The following FKBP9 variants were observed in gnomAD, a reference collection of about 807,000 sequenced individuals.
The protein encoded by FKBP9 is peptidyl-prolyl cis-trans isomerase FKBP9.
In FKBP9, 27 loss-of-function variants were observed where a neutral mutation model predicts 55.6. That is an observed-to-expected ratio of 0.49 (90% CI 0.36 to 0.67). FKBP9 has a LOEUF of 0.67. Ranked by LOEUF, FKBP9 falls within the 30% of genes least tolerant of loss-of-function variation. FKBP9 has a pLI of 0.00. For missense variants in FKBP9, 539 were observed against 742.8 expected (o/e 0.73, Z 3.19); for synonymous variants, 267 against 296.5 (o/e 0.90, Z 1.02).
At chr7:32,991,919 T>A (rs952479453) in intron 6 of FKBP9, among the ~76,000 whole-genome samples, 9 of 151,922 alleles carry the variant, frequency 5.9e-5, no homozygotes, top group Non-Finnish European at 1.3e-4. Context: ...TGGGACTTCT[T>A]GCACATGAAC....
At chr7:32,995,394 A>G (rs1784765601) in intron 6 of FKBP9, among the ~76,000 whole-genome samples, 1 of 152,074 alleles carries the variant, frequency 6.6e-6, no homozygotes, top group African/African-American at 2.4e-5. Context: ...ATTACAACTG[A>G]TGCATATGTT....
chr7:32,978,072 C>A (rs1433445533), intron 4 of FKBP9, among the ~76,000 whole-genome samples: 1 of 151,660 alleles, frequency 6.6e-6, no homozygotes, highest in East Asian at 1.9e-4. Flanking sequence ...CAGGCGTATG[C>A]AACCATGCCT....
chr7:32,977,078 A>C (rs1223785262), intron 4 of FKBP9, among the ~76,000 whole-genome samples: 1 of 152,250 alleles, frequency 6.6e-6, no homozygotes, highest in East Asian at 1.9e-4. Flanking sequence ...CTCCATATGG[A>C]CAAAAGCAAA....
intron 1 of FKBP9, among the ~76,000 whole-genome samples, chr7:32,961,835 C>T (rs1784031239): frequency 6.6e-6 from 1 of 150,762 alleles, no homozygotes; most frequent in Non-Finnish European, 1.5e-5. Context: ...GCGTGATGAT[C>T]TGTCACTGTC....
At chr7:32,994,978 T>C (rs1784755724) in intron 6 of FKBP9, 2 of 157,638 alleles carry the variant, frequency 1.3e-5, no homozygotes, top group Non-Finnish European at 2.8e-5. Flanking sequence ...TCTTTCTTTC[T>C]TTCTTTTTTG....
chr7:32,969,365 A>G (rs1784211488), intron 1 of FKBP9, among the ~76,000 whole-genome samples: 1 of 151,554 alleles, frequency 6.6e-6, no homozygotes, highest in African/African-American at 2.4e-5. Context: ...TGGATCTTAT[A>G]TTTATGCATT....
chr7:32,984,615 T>C (rs138832097), intron 5 of FKBP9, among the ~76,000 whole-genome samples: 27 of 152,232 alleles, frequency 1.8e-4, no homozygotes, highest in Admixed American at 1.7e-3. Context: ...TAGCAGAAAA[T>C]GTAAATTTCC....
intron 6 of FKBP9, among the ~76,000 whole-genome samples, chr7:32,991,197 T>G (rs1784674415): frequency 6.6e-6 from 1 of 152,220 alleles, no homozygotes; most frequent in Non-Finnish European, 1.5e-5. Context: ...TAAATTACTT[T>G]TTTTCCTCTT....
intron 1 of FKBP9, among the ~76,000 whole-genome samples, chr7:32,965,824 T>TATATATGTGTACAC (rs1784127916): frequency 3.8e-4 from 7 of 18,216 alleles, no homozygotes; most frequent in African/African-American, 1.5e-3. Flanking sequence ...TATATATATA[T>TATATATGTGTACAC]ATATATATAT....
At chr7:32,997,402 G>A (rs1453046427) in intron 7 of FKBP9, among the ~76,000 whole-genome samples, 2 of 135,600 alleles carry the variant, frequency 1.5e-5, no homozygotes, top group Non-Finnish European at 3.2e-5. Flanking sequence ...TTTTAGAGAT[G>A]GGGGGGGTCT....
intron 5 of FKBP9, among the ~76,000 whole-genome samples, chr7:32,985,142 A>G (rs1428612638): frequency 6.6e-6 from 1 of 151,766 alleles, no homozygotes; most frequent in Non-Finnish European, 1.5e-5. Context: ...CTTCATAGGG[A>G]ACCAGTGTTA....
rs1456049009 is a variant in FKBP9 at position 33,005,635 on chromosome 7, G to T, written c.*284G>T. The stretch of plus-strand genomic sequence containing the variant: ...GCCAACCATGATTTGTGAGCCTTCT[G>T]GGAAATTTTGTTATTAAAGGAATAT... On this transcript the variant is annotated 3_prime_UTR_variant, in exon 10 of 10. Coordinates refer to ENST00000242209, the MANE Select transcript of FKBP9 (RefSeq NM_007270.5). 2.9e-6 allele frequency: 1 copy of T among 347,604 alleles called. No individual in the cohort carries two copies. Among genetic ancestry groups the T allele is most frequent in the Non-Finnish European group, 5.3e-6 (1 of 189,804 alleles). The allele number at this position is 347,604 out of a possible 1,614,324, so 21.5% of individuals were successfully genotyped here. A position where few individuals can be genotyped will look rare whatever the true frequency, so the allele number is the denominator to read the frequency against.
At chr7:32,986,523 C>T (rs1410604866) in intron 5 of FKBP9, among the ~76,000 whole-genome samples, 2 of 152,202 alleles carry the variant, frequency 1.3e-5, no homozygotes. Context: ...TCCAGGCCTT[C>T]CTGGCCAGTG....
chr7:32,959,170 C>A (rs1223175287), intron 1 of FKBP9, among the ~76,000 whole-genome samples: 1 of 151,088 alleles, frequency 6.6e-6, no homozygotes, highest in Non-Finnish European at 1.5e-5. Context: ...CTTTGGGAGG[C>A]CGAGGCGGGC....
Position 33,006,202 on chromosome 7 carries a change from C to T in FKBP9, c.*851C>T. On this transcript the variant is annotated 3_prime_UTR_variant, in exon 10 of 10. Transcript: ENST00000242209. ...GCACTGTCTCGGCTCACTGCAGCCT[C>T]CGCCTCCCGTATTCAAGCGATTCTC... The T allele has an allele frequency of 5.1e-6, 1 of 196,488 alleles. No homozygotes were observed. The highest frequency in any genetic ancestry group is 2.0e-4 in the South Asian group (1 of 5,082). The allele number at this position is 196,488 out of a possible 1,614,324, so 12.2% of individuals were successfully genotyped here.
intron 4 of FKBP9, among the ~76,000 whole-genome samples, chr7:32,977,906 T>TATATAC (rs1784397243): frequency 7.9e-6 from 1 of 126,436 alleles, no homozygotes; most frequent in African/African-American, 2.7e-5. Flanking sequence ...CATATATATA[T>TATATAC]ACTCATATAT....
At position 32,957,685 on chromosome 7, in the gene FKBP9, A is replaced by G. The variant is rs761849310; in HGVS notation, c.112A>G (p.Ile38Val). The change falls in exon 1 of 10, where the codon ATC (isoleucine) becomes GTC (valine). Residue 38 changes from isoleucine (I) to valine (V), a missense_variant. By Grantham distance (29) the Ile-to-Val change is conservative (BLOSUM62 3). This residue lies in a region of FKBP9 where 236 missense variants were observed against 271.5 expected (regional missense o/e 0.87). Coordinates refer to ENST00000242209, the MANE Select transcript of FKBP9 (RefSeq NM_007270.5). Reference protein sequence around the residue: ...AGLGSDAELQIERRFVPDECP... With the variant: ...AGLGSDAELQVERRFVPDECP... ...CCTGGGCTCCGACGCGGAGCTGCAG[A>G]TCGAGCGGCGCTTCGTGCCCGACGA... is the stretch of plus-strand genomic sequence containing the variant. 2 of 1,530,604 alleles carry G rather than the reference A, an allele frequency of 1.3e-6. No individual in the cohort carries two copies. Among genetic ancestry groups the G allele is most frequent in the African/African-American group, 2.9e-5 (2 of 69,772 alleles). 94.8% of individuals were successfully genotyped at this position (1,530,604 alleles called of 1,614,324 possible).
intron 1 of FKBP9, among the ~76,000 whole-genome samples, chr7:32,973,014 G>A (rs930355729): frequency 2.6e-4 from 40 of 152,158 alleles, no homozygotes; most frequent in African/African-American, 9.4e-4. Context: ...GAGCCACCAC[G>A]CCTGGCATTG....
intron 5 of FKBP9, among the ~76,000 whole-genome samples, chr7:32,984,825 ACT>A (rs1315198968): frequency 1.3e-5 from 2 of 151,978 alleles, no homozygotes; most frequent in Non-Finnish European, 2.9e-5. Flanking sequence ...GTCATGAATG[ACT>A]CTGTCATTTC....
Sources: gnomAD v4.1 joint callset for allele counts (sites outside exome capture counted in the v4.1 genomes callset) on GRCh38, gnomAD v4.1.1 for gene constraint, gnomAD v4.1.1 regional missense constraint, MANE v1.5 for transcripts, NCBI Gene and HGNC (gene_info 2026-07-23, HGNC 2026-07-21) for gene names.